Variants in SOX6 observed in about 807,000 individuals in gnomAD.
SOX6 encodes SRY-box transcription factor 6.
A neutral mutation model predicts 97.8 loss-of-function variants in SOX6; 11 were observed. The ratio of observed to expected loss-of-function variants is 0.11; its 90% confidence interval spans 0.07 to 0.19. The LOEUF is 0.19. Ranked by LOEUF, SOX6 falls within the 10% of genes least tolerant of loss-of-function variation. The pLI, the probability that SOX6 is intolerant of heterozygous loss-of-function variation, is 1.00. For missense variants in SOX6, 810 were observed against 1,039.5 expected (o/e 0.78, Z 3.04); for synonymous variants, 360 against 371.4 (o/e 0.97, Z 0.35).
rs117507348 is a variant in SOX6, at chr11:16,570,293, G to A, written n.609+41788C>T. ...CTATCCCCATGAGACCTGACATACA[G>A]TCAGCAGCTAATAAATATTTGTTGA... On this transcript the variant is annotated intron_variant and non_coding_transcript_variant, in intron 4 of 5. Transcript: ENST00000524520. Among the ~76,000 whole-genome samples the A allele has an allele frequency of 1.5e-3, 234 of 152,054 alleles. 1 individual carries two copies. In the East Asian group the frequency reaches 0.043, roughly 28 times the overall value.
intron 1 of SOX6, among the ~76,000 whole-genome samples, chr11:16,437,813 T>C (rs1044885945): frequency 6.6e-6 from 1 of 152,218 alleles, no homozygotes; most frequent in Non-Finnish European, 1.5e-5. Flanking sequence ...AAAATAGATA[T>C]AATAAATACC....
At chr11:16,602,421 GT>G (rs1272265275) in intron 4 of SOX6, among the ~76,000 whole-genome samples, 4 of 151,986 alleles carry the variant, frequency 2.6e-5, no homozygotes, top group African/African-American at 4.8e-5. Flanking sequence ...TGCTTTCAAA[GT>G]TTGAAACATT....
intron 4 of SOX6, among the ~76,000 whole-genome samples, chr11:16,608,196 A>G (rs1776974603): frequency 6.6e-6 from 1 of 152,034 alleles, no homozygotes; most frequent in Non-Finnish European, 1.5e-5. Context: ...GTAGCGTGGA[A>G]AAGGTAGGCA....
intron 1 of SOX6, among the ~76,000 whole-genome samples, chr11:16,455,245 A>T (rs1278069128): frequency 1.3e-5 from 2 of 152,154 alleles, no homozygotes; most frequent in African/African-American, 4.8e-5. Flanking sequence ...GTCTTTCACC[A>T]CATAATGTAA....
chr11:16,149,064 C>T (rs1296201578), intron 6 of SOX6, among the ~76,000 whole-genome samples: 1 of 152,090 alleles, frequency 6.6e-6, no homozygotes, highest in Non-Finnish European at 1.5e-5. Context: ...CAAAAATGCC[C>T]CTTCTCAAAG....
At chr11:16,270,575 T>G (rs1854221923) in intron 3 of SOX6, among the ~76,000 whole-genome samples, 1 of 150,968 alleles carries the variant, frequency 6.6e-6, no homozygotes, top group Admixed American at 6.6e-5. Flanking sequence ...TTATTACCAA[T>G]AGCCATAATG....
At chr11:16,426,695 A>C (rs1043336880) in intron 1 of SOX6, among the ~76,000 whole-genome samples, 6 of 151,888 alleles carry the variant, frequency 4.0e-5, no homozygotes, top group Admixed American at 2.6e-4. Context: ...CGGGCGGATC[A>C]CGAGGTCAGG....
chr11:16,127,004 C>T (rs996556167), intron 6 of SOX6, among the ~76,000 whole-genome samples: 1 of 152,056 alleles, frequency 6.6e-6, no homozygotes, highest in Non-Finnish European at 1.5e-5. Context: ...ATATCACCCC[C>T]TCAAAAAATA....
intron 12 of SOX6, among the ~76,000 whole-genome samples, chr11:16,039,834 C>T (rs916056993): frequency 6.6e-6 from 1 of 151,782 alleles, no homozygotes; most frequent in East Asian, 1.9e-4. Context: ...TGATAAGTCC[C>T]ACATAAATCA....
intron 12 of SOX6, among the ~76,000 whole-genome samples, chr11:16,025,728 G>T (rs75845532): frequency 0.012 from 1,828 of 152,054 alleles, 34 homozygotes; most frequent in African/African-American, 0.041. Context: ...TAAATTTGAA[G>T]ATTTTTTTCC....
At chr11:16,468,299 G>C (rs1318124500) in intron 1 of SOX6, among the ~76,000 whole-genome samples, 4 of 152,122 alleles carry the variant, frequency 2.6e-5, no homozygotes. Context: ...ATATTACTTT[G>C]GAGAAAACCC....
intron 12 of SOX6, among the ~76,000 whole-genome samples, chr11:16,025,653 C>T (rs1032992346): frequency 8.5e-5 from 13 of 152,070 alleles, no homozygotes; most frequent in African/African-American, 2.9e-4. Context: ...CAAAGCTATA[C>T]GAACCAAGAA....
chr11:16,737,594 G>A (rs1848402530), intron 1 of SOX6, among the ~76,000 whole-genome samples: 1 of 152,042 alleles, frequency 6.6e-6, no homozygotes, highest in African/African-American at 2.4e-5. Context: ...CTGACAGAAA[G>A]TTAAGTTCAG....
At chr11:16,367,273 A>G (rs1857383304) in intron 1 of SOX6, among the ~76,000 whole-genome samples, 1 of 152,160 alleles carries the variant, frequency 6.6e-6, no homozygotes, top group Non-Finnish European at 1.5e-5. Flanking sequence ...CAGGCTTAAT[A>G]TATCTTCAGT....
intron 3 of SOX6, among the ~76,000 whole-genome samples, chr11:16,656,301 C>A (rs957257158): frequency 1.2e-4 from 19 of 152,276 alleles, no homozygotes; most frequent in African/African-American, 4.6e-4. Flanking sequence ...TGGTCTCAAT[C>A]TCCTGACCTC....
chr11:16,030,947 G>T (rs1310189918), intron 12 of SOX6, among the ~76,000 whole-genome samples: 2 of 152,186 alleles, frequency 1.3e-5, no homozygotes, highest in African/African-American at 4.8e-5. Flanking sequence ...TCCCTTCTGG[G>T]CAGAAATCAG....
intron 4 of SOX6, among the ~76,000 whole-genome samples, chr11:16,521,308 GC>G (rs763943246): frequency 2.6e-5 from 4 of 152,152 alleles, no homozygotes; most frequent in Admixed American, 6.5e-5. Flanking sequence ...TCAGACAGCA[GC>G]ATTCGCGATT....
intron 3 of SOX6, among the ~76,000 whole-genome samples, chr11:16,638,905 CA>C (rs1377618907): frequency 6.6e-6 from 1 of 152,154 alleles, no homozygotes; most frequent in Non-Finnish European, 1.5e-5. Context: ...TTTTCCTGTG[CA>C]GAAGCTCTTT....
At chr11:16,416,277 T>A (rs888359414) in intron 1 of SOX6, among the ~76,000 whole-genome samples, 1 of 152,210 alleles carries the variant, frequency 6.6e-6, no homozygotes, top group African/African-American at 2.4e-5. Flanking sequence ...TTCCTACTGG[T>A]GAGCATCATG....
Sources: allele counts gnomAD v4.1 joint callset (sites outside exome capture counted in the v4.1 genomes callset), GRCh38; gene constraint gnomAD v4.1.1; transcripts MANE v1.5; gene names NCBI Gene and HGNC (gene_info 2026-07-23, HGNC 2026-07-21).